Variants in FMNL2 observed in about 807,000 individuals in gnomAD.
FMNL2 encodes the protein formin-like protein 2.
In FMNL2, 51 loss-of-function variants were observed where a neutral mutation model predicts 130.2. That is an observed-to-expected ratio of 0.39 (90% CI 0.31 to 0.49). The LOEUF (loss-of-function observed/expected upper bound fraction) is 0.49, where lower values mean the gene tolerates loss of function less well. FMNL2 is among the 20% of genes least tolerant of loss of function. The probability of loss-of-function intolerance (pLI) is 0.85; values close to 1 mark genes in which losing one functional copy is unlikely to be tolerated. For missense variants in FMNL2, 977 were observed against 1,316.2 expected, an observed-to-expected ratio of 0.74 and a Z score of 3.99; for synonymous variants, 465 against 467.1, an observed-to-expected ratio of 1.00 and a Z score of 0.06.
At chr2:152,536,131 C>A (rs751840363) in intron 2 of FMNL2, among the ~76,000 whole-genome samples, 7 of 152,252 alleles carry the variant, frequency 4.6e-5, no homozygotes, top group Non-Finnish European at 1.0e-4. Context: ...TTGGTCTTGG[C>A]AACCCTCTCC....
chr2:152,341,064 A>C lies in FMNL2; in HGVS notation c.117+5344A>C, dbSNP rs958461437. On this transcript the variant is annotated intron_variant, in intron 1 of 25. Transcript: ENST00000288670. ...CTCCCTTTCAGCCACTTCCAAGGAAAGCACTTGCCATAAAGTCTGTTAAGC... is the reference window on the plus strand; with the variant it reads ...CTCCCTTTCAGCCACTTCCAAGGAACGCACTTGCCATAAAGTCTGTTAAGC... 7.2e-5 allele frequency among the ~76,000 whole-genome samples: 11 copies of C among 152,352 alleles called. No individual in the cohort carries two copies. In the East Asian group the frequency reaches 2.1e-3, roughly 29 times the overall value.
chr2:152,595,519 A>G (rs1027591535), intron 9 of FMNL2, among the ~76,000 whole-genome samples: 1 of 152,092 alleles, frequency 6.6e-6, no homozygotes, highest in South Asian at 2.1e-4. Context: ...GGGTTTTGCC[A>G]TGTTGGCCAG....
At chr2:152,466,633 A>G (rs947494498) in intron 1 of FMNL2, among the ~76,000 whole-genome samples, 3 of 152,198 alleles carry the variant, frequency 2.0e-5, no homozygotes, top group Non-Finnish European at 4.4e-5. Context: ...AGACCATCCT[A>G]TTAACACTGG....
At chr2:152,500,532 T>C (rs576562993) in intron 1 of FMNL2, among the ~76,000 whole-genome samples, 1 of 152,214 alleles carries the variant, frequency 6.6e-6, no homozygotes, top group Admixed American at 6.5e-5. Flanking sequence ...CTCTACCATA[T>C]CCCAGTATCC....
intron 1 of FMNL2, among the ~76,000 whole-genome samples, chr2:152,434,847 G>A (rs1687667222): frequency 6.6e-6 from 1 of 152,022 alleles, no homozygotes; most frequent in South Asian, 2.1e-4. Context: ...CTTTGGCAGG[G>A]CCAGCTGCAG....
At chr2:152,416,708 A>G (rs1012108076) in intron 1 of FMNL2, among the ~76,000 whole-genome samples, 2 of 152,222 alleles carry the variant, frequency 1.3e-5, no homozygotes, top group East Asian at 3.8e-4. Context: ...GAGACTTTCA[A>G]TGAAATTAGA....
chr2:152,502,474 G>A (rs1054995954), intron 1 of FMNL2, among the ~76,000 whole-genome samples: 4 of 152,214 alleles, frequency 2.6e-5, no homozygotes, highest in Admixed American at 2.0e-4. Flanking sequence ...ATCACCTGAG[G>A]TCAGGAGTCT....
At chr2:152,450,176 A>G (rs903725121) in intron 1 of FMNL2, among the ~76,000 whole-genome samples, 7 of 152,266 alleles carry the variant, frequency 4.6e-5, no homozygotes, top group Non-Finnish European at 7.3e-5. Context: ...AGAAAATTAT[A>G]CACATTTCTA....
intron 9 of FMNL2, among the ~76,000 whole-genome samples, chr2:152,599,181 C>T (rs919828604): frequency 6.6e-6 from 1 of 152,210 alleles, no homozygotes; most frequent in Non-Finnish European, 1.5e-5. Flanking sequence ...AGAAATATTT[C>T]ACCAGCTCTT....
At chr2:152,436,782 C>T (rs1448622817) in intron 1 of FMNL2, among the ~76,000 whole-genome samples, 1 of 152,048 alleles carries the variant, frequency 6.6e-6, no homozygotes, top group African/African-American at 2.4e-5. Flanking sequence ...TAGTCCTTGG[C>T]GGAAAGCTCC....
chr2:152,541,989 A>T (rs1005236534), intron 2 of FMNL2, among the ~76,000 whole-genome samples: 2 of 152,192 alleles, frequency 1.3e-5, no homozygotes, highest in African/African-American at 4.8e-5. Flanking sequence ...TGAATTTTTC[A>T]AAGTATGGTT....
chr2:152,582,368 A>C (rs1443786257), intron 9 of FMNL2, among the ~76,000 whole-genome samples: 1 of 152,210 alleles, frequency 6.6e-6, no homozygotes, highest in African/African-American at 2.4e-5. Context: ...AGCTTCAAAG[A>C]TGTGAACAGG....
chr2:152,384,625 G>A (rs1158027688), intron 1 of FMNL2, among the ~76,000 whole-genome samples: 2 of 152,284 alleles, frequency 1.3e-5, no homozygotes, highest in Non-Finnish European at 1.5e-5. Flanking sequence ...TGCTTGAAAG[G>A]TGGACTCTTC....
chr2:152,504,073 C>T (rs1692010983), intron 1 of FMNL2, among the ~76,000 whole-genome samples: 1 of 152,186 alleles, frequency 6.6e-6, no homozygotes, highest in Non-Finnish European at 1.5e-5. Flanking sequence ...CGCCTGTAGT[C>T]CCAGCTACGC....
At chr2:152,392,950 T>C (rs1685198935) in intron 1 of FMNL2, among the ~76,000 whole-genome samples, 1 of 152,152 alleles carries the variant, frequency 6.6e-6, no homozygotes, top group Non-Finnish European at 1.5e-5. Context: ...TGCTGCAGTT[T>C]TGTCAGTGAC....
At chr2:152,360,971 T>C (rs999235246) in intron 1 of FMNL2, among the ~76,000 whole-genome samples, 1 of 152,208 alleles carries the variant, frequency 6.6e-6, no homozygotes, top group Non-Finnish European at 1.5e-5. Flanking sequence ...CTATTCCTTG[T>C]AGTAATTGCT....
chr2:152,434,496 A>G (rs116492383), intron 1 of FMNL2, among the ~76,000 whole-genome samples: 3,379 of 152,252 alleles, frequency 0.022, 116 homozygotes, highest in African/African-American at 0.077. Flanking sequence ...CAAAAACTTG[A>G]GTGCTTCCTT....
intron 1 of FMNL2, among the ~76,000 whole-genome samples, chr2:152,451,847 A>G (rs1299449964): frequency 1.3e-5 from 2 of 152,120 alleles, no homozygotes; most frequent in Non-Finnish European, 2.9e-5. Flanking sequence ...GTGCCCTCAC[A>G]TTTTGATAAG....
chr2:152,399,873 A>C (rs1246352009), intron 1 of FMNL2, among the ~76,000 whole-genome samples: 1 of 152,162 alleles, frequency 6.6e-6, no homozygotes, highest in Admixed American at 6.5e-5. Context: ...CTACTGGATG[A>C]AGAGTGCTGA....
Sources: gnomAD v4.1 joint callset for allele counts (sites outside exome capture counted in the v4.1 genomes callset) on GRCh38, gnomAD v4.1.1 for gene constraint, MANE v1.5 for transcripts, NCBI Gene and HGNC (gene_info 2026-07-23, HGNC 2026-07-21) for gene names.